Variants in PTPRR observed in about 807,000 individuals in gnomAD.
The protein encoded by PTPRR is protein tyrosine phosphatase receptor type R, also known as receptor-type tyrosine-protein phosphatase R.
In PTPRR, 38 loss-of-function variants were observed where a neutral mutation model predicts 77.2. The observed-to-expected ratio is 0.49, with a 90% CI of 0.38 to 0.65. PTPRR has a LOEUF of 0.65. Ranked by LOEUF, PTPRR falls within the 30% of genes least tolerant of loss-of-function variation. The pLI is 0.00. For synonymous variants in PTPRR, 299 were observed against 283.1 expected (o/e 1.06, Z -0.57); for missense variants, 744 against 799.2 (o/e 0.93, Z 0.83).
At chr12:70,701,775 C>T (rs141522715) in intron 6 of PTPRR, among the ~76,000 whole-genome samples, 68 of 152,140 alleles carry the variant, frequency 4.5e-4, no homozygotes, top group African/African-American at 1.5e-3. Flanking sequence ...GAGTTCAAGA[C>T]CAACCTGGGC....
intron 2 of PTPRR, 46 bp downstream of exon 2, chr12:70,892,633 G>A (rs751722596): frequency 6.3e-7 from 1 of 1,592,138 alleles, no homozygotes; most frequent in Admixed American, 1.7e-5. Flanking sequence ...TCAATGACAG[G>A]AAAGAATCAA....
chr12:70,710,933 G>A (rs557480544), intron 6 of PTPRR, among the ~76,000 whole-genome samples: 36 of 152,200 alleles, frequency 2.4e-4, no homozygotes, highest in African/African-American at 7.9e-4. Flanking sequence ...AAAAAGGAAT[G>A]CTTATACACT....
intron 2 of PTPRR, among the ~76,000 whole-genome samples, chr12:70,850,623 G>A (rs1401150392): frequency 2.0e-5 from 3 of 151,980 alleles, no homozygotes; most frequent in Non-Finnish European, 4.4e-5. Flanking sequence ...TTAAATATTT[G>A]GTGGATGAAT....
chr12:70,674,709 A>T (rs1887379740), intron 10 of PTPRR, among the ~76,000 whole-genome samples: 1 of 152,164 alleles, frequency 6.6e-6, no homozygotes, highest in Admixed American at 6.5e-5. Flanking sequence ...GAGATTATTG[A>T]TTGGAAGGTT....
At chr12:70,778,610 T>G (rs1275142403) in intron 2 of PTPRR, among the ~76,000 whole-genome samples, 1 of 152,256 alleles carries the variant, frequency 6.6e-6, no homozygotes, top group Non-Finnish European at 1.5e-5. Context: ...TAAAATTCTC[T>G]GAGGTCTGCA....
At chr12:70,828,461 A>C (rs1003904372) in intron 2 of PTPRR, among the ~76,000 whole-genome samples, 7 of 152,230 alleles carry the variant, frequency 4.6e-5, no homozygotes, top group African/African-American at 1.7e-4. Context: ...GGGAGAAGAA[A>C]ATATCTTTAA....
chr12:70,849,696 A>G (rs1056029379), intron 2 of PTPRR, among the ~76,000 whole-genome samples: 8 of 152,240 alleles, frequency 5.3e-5, no homozygotes, highest in African/African-American at 1.9e-4. Flanking sequence ...ATGGGCAAAA[A>G]TTATTTGTGA....
chr12:70,664,611 A>C (rs1280333206), intron 10 of PTPRR: 1 of 152,262 alleles, frequency 6.6e-6, no homozygotes, highest in East Asian at 1.9e-4. Flanking sequence ...TGCCGCCTGC[A>C]CCCTGACTCT....
chr12:70,741,272 C>T (rs1490154293), intron 6 of PTPRR, among the ~76,000 whole-genome samples: 1 of 152,136 alleles, frequency 6.6e-6, no homozygotes, highest in South Asian at 2.1e-4. Flanking sequence ...CTATTGGCTA[C>T]AACAGATTAG....
chr12:70,791,439 C>G (rs183724488), intron 2 of PTPRR, among the ~76,000 whole-genome samples: 10 of 152,308 alleles, frequency 6.6e-5, no homozygotes, highest in African/African-American at 2.4e-4. Flanking sequence ...TAATCAGACT[C>G]TTTTAGAATA....
intron 2 of PTPRR, among the ~76,000 whole-genome samples, chr12:70,882,173 C>G (rs1271256671): frequency 1.3e-5 from 2 of 152,158 alleles, no homozygotes; most frequent in African/African-American, 2.4e-5. Context: ...GAAATCTAAT[C>G]CTGCGCAAGA....
rs568589024 is a variant in PTPRR at position 70,902,908 on chromosome 12, T to C, written c.59-9931A>G. Among the ~76,000 whole-genome samples the C allele has an allele frequency of 5.3e-5, 8 of 151,868 alleles. No individual in the cohort carries two copies. The South Asian group carries it at 1.7e-3, about 31-fold the overall frequency. Reference sequence around the variant, plus strand: ...TGGGAAAAAGAGAAAAGGTAGCATGTACATATAATGTAATACTATTCAGTC... The same window carrying C: ...TGGGAAAAAGAGAAAAGGTAGCATGCACATATAATGTAATACTATTCAGTC... On this transcript the variant is annotated intron_variant, in intron 1 of 13. Coordinates refer to ENST00000283228, the MANE Select transcript of PTPRR (RefSeq NM_002849.4).
Position 70,853,359 on chromosome 12 carries a change from G to A in PTPRR, c.357+39320C>T, listed in dbSNP as rs147208770. On this transcript the variant is annotated intron_variant, in intron 2 of 13. Transcript: ENST00000283228. ...GTAAACAGCTAGATTGCAGAATCCA[G>A]TACTTGACCATTACACATTCTGCAT... Among the ~76,000 whole-genome samples, 23 of 152,330 alleles carry A rather than the reference G, an allele frequency of 1.5e-4. No individual in the cohort carries two copies. In the East Asian group the frequency reaches 3.9e-3, roughly 26 times the overall value.
chr12:70,709,763 C>G (rs1298369136), intron 6 of PTPRR, among the ~76,000 whole-genome samples: 5 of 152,042 alleles, frequency 3.3e-5, no homozygotes, highest in Non-Finnish European at 7.4e-5. Flanking sequence ...GATAAAATAC[C>G]TAGGAATACA....
intron 2 of PTPRR, among the ~76,000 whole-genome samples, chr12:70,847,705 A>C (rs887937522): frequency 6.6e-6 from 1 of 152,200 alleles, no homozygotes; most frequent in Non-Finnish European, 1.5e-5. Context: ...TAATCCTCCT[A>C]CAACCCTAAT....
At chr12:70,693,351 C>A (rs1888117737) in intron 8 of PTPRR, among the ~76,000 whole-genome samples, 1 of 152,026 alleles carries the variant, frequency 6.6e-6, no homozygotes, top group African/African-American at 2.4e-5. Flanking sequence ...AGTGGCTACT[C>A]CCAGATGTGA....
At chr12:70,746,232 T>G in intron 5 of PTPRR, 146 bp from the exon 6 acceptor site, 1 of 770,876 alleles carries the variant, frequency 1.3e-6, no homozygotes, top group Non-Finnish European at 2.0e-6. Flanking sequence ...ATTTCTCAGT[T>G]TCATGGTATT....
intron 2 of PTPRR, among the ~76,000 whole-genome samples, chr12:70,773,204 T>C (rs956034541): frequency 8.5e-5 from 13 of 152,100 alleles, no homozygotes; most frequent in African/African-American, 3.1e-4. Flanking sequence ...TAAGACCTCT[T>C]GTTAACTTTT....
At chr12:70,732,251 C>G (rs1347881665) in intron 6 of PTPRR, among the ~76,000 whole-genome samples, 2 of 152,080 alleles carry the variant, frequency 1.3e-5, no homozygotes, top group Non-Finnish European at 2.9e-5. Context: ...TTCTTAGAAA[C>G]CTTAAGTAGA....
Sources: gnomAD v4.1 joint callset for allele counts (sites outside exome capture counted in the v4.1 genomes callset) on GRCh38, gnomAD v4.1.1 for gene constraint, MANE v1.5 for transcripts, NCBI Gene and HGNC (gene_info 2026-07-23, HGNC 2026-07-21) for gene names.